Variants in IL31RA observed in about 807,000 individuals in gnomAD.
The protein encoded by IL31RA is interleukin 31 receptor A.
IL31RA carries 66 observed loss-of-function variants against 83.7 expected under a neutral mutation model. That is an observed-to-expected ratio of 0.79 (90% confidence interval 0.65 to 0.97). The LOEUF (loss-of-function observed/expected upper bound fraction) is 0.97, where lower values mean the gene tolerates loss of function less well. Among genes scored for constraint, IL31RA ranks in the 50% least tolerant of loss-of-function variants. The pLI is 0.00. For synonymous variants in IL31RA, 325 were observed against 329.0 expected, an observed-to-expected ratio of 0.99 and a Z score of 0.13; for missense variants, 798 against 919.4, an observed-to-expected ratio of 0.87 and a Z score of 1.71.
upstream of IL31RA, among the ~76,000 whole-genome samples, chr5:55,850,359 G>T (rs1408516261): frequency 6.6e-6 from 1 of 151,966 alleles, no homozygotes; most frequent in Non-Finnish European, 1.5e-5. Context: ...TCAGATGTTG[G>T]CTATTCTTCA....
intron 11 of IL31RA, chr5:55,908,633 C>T: frequency 6.5e-7 from 1 of 1,544,960 alleles, no homozygotes; most frequent in Non-Finnish European, 8.7e-7. Context: ...GAGGAGAGTC[C>T]TGAGGAAATG....
intron 2 of IL31RA, among the ~76,000 whole-genome samples, chr5:55,862,569 T>G (rs1434509873): frequency 6.6e-6 from 1 of 152,148 alleles, no homozygotes; most frequent in African/African-American, 2.4e-5. Flanking sequence ...CCACCATGCC[T>G]GGCTAATTTT....
At chr5:55,912,188 T>G (rs1749537119) in intron 12 of IL31RA, among the ~76,000 whole-genome samples, 1 of 152,168 alleles carries the variant, frequency 6.6e-6, no homozygotes, top group South Asian at 2.1e-4. Context: ...TCCTCTATAA[T>G]CCATTTTCCA....
intron 12 of IL31RA, 128 bp downstream of exon 12, chr5:55,910,800 T>C: frequency 9.4e-7 from 1 of 1,059,040 alleles, no homozygotes; most frequent in Non-Finnish European, 1.5e-6. Context: ...GCCATCCTGC[T>C]CTCTGTTCAC....
intron 7 of IL31RA, 109 bp from the exon 8 acceptor site, chr5:55,899,807 A>G: frequency 1.3e-6 from 1 of 750,116 alleles, no homozygotes; most frequent in Non-Finnish European, 2.4e-6. Flanking sequence ...GTAGTTTAGT[A>G]TCTAATAGTT....
chr5:55,900,268 A>G, intron 8 of IL31RA, 136 bp downstream of exon 8: 2 of 720,760 alleles, frequency 2.8e-6, no homozygotes, highest in Non-Finnish European at 5.1e-6. Flanking sequence ...GGTTGTGGTG[A>G]AGCAATGAGA....
intron 6 of IL31RA, among the ~76,000 whole-genome samples, chr5:55,891,880 A>G (rs1037552005): frequency 7.1e-6 from 1 of 141,044 alleles, no homozygotes; most frequent in Admixed American, 8.0e-5. Context: ...GGTTCACACC[A>G]TTCTCCTGCC....
At chr5:55,883,015 T>TA in intron 4 of IL31RA, 29 bp from the exon 5 acceptor site, 13 of 1,610,730 alleles carry the variant, frequency 8.1e-6, no homozygotes, top group Non-Finnish European at 1.0e-5. Flanking sequence ...TTTTTGCAGA[T>TA]ATGAGAGTTG....
the IL31RA span, among the ~76,000 whole-genome samples, chr5:55,845,260 G>A: frequency 6.6e-6 from 1 of 152,170 alleles, no homozygotes; most frequent in Non-Finnish European, 1.5e-5. Context: ...TGAAGGGAGA[G>A]GAAGTGTTTG....
chr5:55,910,385 A>G (rs1310351351), intron 11 of IL31RA, 147 bp from the exon 12 acceptor site: 1 of 811,172 alleles, frequency 1.2e-6, no homozygotes, highest in Non-Finnish European at 2.1e-6. Context: ...ATCCATCTTG[A>G]TATTTAAGCA....
At chr5:55,867,169 ATG>A (rs71602918) in intron 2 of IL31RA, among the ~76,000 whole-genome samples, 7,583 of 106,128 alleles carry the variant, frequency 0.071, 998 homozygotes, top group African/African-American at 0.2. Flanking sequence ...GTGTGTGTGC[ATG>A]TGTGTGTGCA....
rs1437301098 is a variant in IL31RA, at chr5:55,851,796, C to T, written c.63+163C>T. The stretch of plus-strand genomic sequence containing the variant: ...ATTATGTTTGCTTATTGTTGGCAAC[C>T]TTATTAGGCATTTCTAGGTTTCTGC... On this transcript the variant is annotated intron_variant, in intron 1 of 14. Transcript: ENST00000652347. Among the ~76,000 whole-genome samples the T allele has an allele frequency of 2.0e-5, 3 of 152,178 alleles. No individual in the cohort carries two copies. The East Asian group carries it at 5.8e-4, about 29-fold the overall frequency.
At chr5:55,896,787 ATC>A (rs1016655686) in intron 7 of IL31RA, among the ~76,000 whole-genome samples, 2 of 46,382 alleles carry the variant, frequency 4.3e-5, no homozygotes, top group African/African-American at 9.1e-5. Context: ...TCCTTTCTCT[ATC>A]TCTCTCTCTC....
intron 4 of IL31RA, 51 bp from the exon 5 acceptor site, chr5:55,882,993 C>G: frequency 6.3e-7 from 1 of 1,581,136 alleles, no homozygotes; most frequent in Non-Finnish European, 8.7e-7. Flanking sequence ...ATGCTATTAG[C>G]AAATTCTTAT....
the IL31RA span, among the ~76,000 whole-genome samples, chr5:55,845,821 G>C: frequency 7.2e-5 from 11 of 152,228 alleles, no homozygotes; most frequent in East Asian, 2.1e-3. Flanking sequence ...AATACAGCAG[G>C]CCTTGTTAAG....
chr5:55,853,622 T>A (rs1457879841), intron 1 of IL31RA: 1 of 1,533,216 alleles, frequency 6.5e-7, no homozygotes, highest in Non-Finnish European at 8.8e-7. Flanking sequence ...TTCTACTTTA[T>A]AAAAGTCTTT....
At chr5:55,852,698 A>C (rs903494492) in intron 1 of IL31RA, among the ~76,000 whole-genome samples, 1 of 152,162 alleles carries the variant, frequency 6.6e-6, no homozygotes, top group Admixed American at 6.5e-5. Context: ...TTGTCAGTCC[A>C]TTACAAACGG....
At chr5:55,853,546 G>A (rs1428961402) in intron 1 of IL31RA, 1 of 1,551,026 alleles carries the variant, frequency 6.4e-7, no homozygotes, top group South Asian at 1.2e-5. Flanking sequence ...AACATCTGTG[G>A]AACATCCCCT....
Position 55,920,718 on chromosome 5 carries a change from A to G in IL31RA, c.*3598A>G, listed in dbSNP as rs751182158. Among the ~76,000 whole-genome samples, 1 of 152,216 alleles carries G rather than the reference A, an allele frequency of 6.6e-6. No individual in the cohort carries two copies. Among genetic ancestry groups the G allele is most frequent in the Non-Finnish European group, 1.5e-5 (1 of 68,030 alleles). On this transcript the variant is annotated 3_prime_UTR_variant, in exon 15 of 15. Transcript: ENST00000652347. ...AGCTGCAAATTAAAAAGAAATCAGG[A>G]TATGTCATTCTGAATTTCTGACCAA...
Sources: allele counts gnomAD v4.1 joint callset (sites outside exome capture counted in the v4.1 genomes callset), GRCh38; gene constraint gnomAD v4.1.1; transcripts MANE v1.5; gene names NCBI Gene and HGNC (gene_info 2026-07-23, HGNC 2026-07-21).